Variants in PDE4D observed in about 807,000 individuals in gnomAD.
PDE4D encodes phosphodiesterase 4D.
Under a neutral mutation model 87.4 loss-of-function variants are expected in PDE4D, and 24 were observed. That is an observed-to-expected ratio of 0.27 (90% CI 0.20 to 0.39). The LOEUF is 0.39. Ranked by LOEUF, PDE4D falls within the 10% of genes least tolerant of loss-of-function variation. PDE4D has a pLI of 1.00. For synonymous variants in PDE4D, 384 were observed against 383.2 expected (o/e 1.00, Z -0.02); for missense variants, 714 against 1,041.0 (o/e 0.69, Z 4.32).
chr5:60,487,297 T>C (rs1040786883), intron 1 of PDE4D, among the ~76,000 whole-genome samples: 3 of 152,242 alleles, frequency 2.0e-5, no homozygotes, highest in Non-Finnish European at 2.9e-5. Context: ...ATGTGTTTAA[T>C]GTACTTTTTA....
Position 60,165,646 on chromosome 5 carries a change from A to G in PDE4D, c.42+19911T>C, listed in dbSNP as rs151319271. On this transcript the variant is annotated intron_variant, in intron 2 of 16. Coordinates refer to the PDE4D transcript ENST00000502484. Reference sequence around the variant, plus strand: ...GATTATTTGAATCCATGAACATGAAATATCTTTCTATTTATTTGTGTGTTC... The same window carrying G: ...GATTATTTGAATCCATGAACATGAAGTATCTTTCTATTTATTTGTGTGTTC... Among the ~76,000 whole-genome samples, 21 of 151,136 alleles carry G rather than the reference A, an allele frequency of 1.4e-4. No homozygotes were observed. In the East Asian group the frequency reaches 4.1e-3, roughly 29 times the overall value.
chr5:59,536,826 C>A (rs1403842155), intron 1 of PDE4D, among the ~76,000 whole-genome samples: 1 of 152,012 alleles, frequency 6.6e-6, no homozygotes, highest in Non-Finnish European at 1.5e-5. Context: ...TGTGAATGAC[C>A]TAAATACAAT....
chr5:59,821,943 A>G (rs901466913), intron 1 of PDE4D, among the ~76,000 whole-genome samples: 1 of 152,160 alleles, frequency 6.6e-6, no homozygotes, highest in African/African-American at 2.4e-5. Flanking sequence ...CCCTTGTCTA[A>G]TCTTAATATT....
In PDE4D at chr5:59,200,252, C is replaced by A. The variant is rs147911746; in HGVS notation, c.648-6716G>T. On this transcript the variant is annotated intron_variant, in intron 2 of 14. Transcript: ENST00000340635. ...ATACATATGTGTATGTACAGCTACA[C>A]GTATACATACATATGTGTATGTACA... 3.2e-3 allele frequency among the ~76,000 whole-genome samples: 430 copies of A among 134,262 alleles called. 13 individuals are homozygous for A. Among genetic ancestry groups the A allele is most frequent in the South Asian group, 8.0e-3 (35 of 4,382 alleles). 88.1% of individuals were successfully genotyped at this position (134,262 alleles called of 152,430 possible).
chr5:59,855,038 T>C (rs1346667606), intron 1 of PDE4D, among the ~76,000 whole-genome samples: 1 of 152,032 alleles, frequency 6.6e-6, no homozygotes, highest in Admixed American at 6.6e-5. Context: ...CAAATTTGAG[T>C]GTGTATATGA....
intron 6 of PDE4D, among the ~76,000 whole-genome samples, chr5:59,021,839 G>A (rs922364171): frequency 6.6e-6 from 1 of 152,070 alleles, no homozygotes; most frequent in South Asian, 2.1e-4. Context: ...AATAACCTAT[G>A]ATATATTAGA....
intron 2 of PDE4D, among the ~76,000 whole-genome samples, chr5:59,994,463 C>T (rs903655138): frequency 1.3e-5 from 2 of 152,086 alleles, no homozygotes; most frequent in African/African-American, 4.8e-5. Context: ...ACCACATCTC[C>T]AGACTCCCTT....
At chr5:59,809,846 C>T (rs539764025) in intron 1 of PDE4D, among the ~76,000 whole-genome samples, 2 of 152,308 alleles carry the variant, frequency 1.3e-5, no homozygotes, top group East Asian at 1.9e-4. Context: ...GTGCTCACTC[C>T]AAACTATTAA....
chr5:60,050,953 T>A lies in PDE4D; in HGVS notation c.43-62236A>T, dbSNP rs1200981174. 4.6e-5 allele frequency among the ~76,000 whole-genome samples: 7 copies of A among 152,276 alleles called. No homozygotes were observed. In the East Asian group the frequency reaches 1.4e-3, roughly 29 times the overall value. On this transcript the variant is annotated intron_variant, in intron 2 of 16. Transcript: ENST00000502484. The stretch of plus-strand genomic sequence containing the variant: ...AAAAAAGACAAAGAAGGGCATTACA[T>A]AATGGTAAAGGGATCAATGCAACAA...
Position 60,273,280 on chromosome 5 carries a change from T to C in PDE4D, c.-89-87593A>G, listed in dbSNP as rs554927939. ...AAAAAAAGAATAAGAACTAGGCAAA[T>C]GGGAGAATGGAAAGACACTCCAAGC... On this transcript the variant is annotated intron_variant, in intron 1 of 16. Coordinates refer to the PDE4D transcript ENST00000502484. Among the ~76,000 whole-genome samples, 17 of 151,888 alleles carry C rather than the reference T, an allele frequency of 1.1e-4. No homozygotes were observed. In the South Asian group the frequency reaches 3.5e-3, roughly 32 times the overall value.
chr5:60,377,143 C>T (rs557357738), intron 1 of PDE4D, among the ~76,000 whole-genome samples: 3 of 152,316 alleles, frequency 2.0e-5, no homozygotes, highest in East Asian at 3.9e-4. Flanking sequence ...CTGTGCTTCT[C>T]GCCTATAGCA....
intron 5 of PDE4D, among the ~76,000 whole-genome samples, chr5:59,133,467 T>C (rs1776563880): frequency 6.6e-6 from 1 of 151,342 alleles, no homozygotes; most frequent in South Asian, 2.2e-4. Context: ...AATTAGGAAC[T>C]CAAGCAACAG....
chr5:59,505,671 G>T (rs981649251), intron 1 of PDE4D, among the ~76,000 whole-genome samples: 12 of 152,156 alleles, frequency 7.9e-5, no homozygotes, highest in African/African-American at 2.9e-4. Flanking sequence ...AGATCCAGCA[G>T]TTGTCAGAGA....
At chr5:59,022,597 C>G (rs1295927815) in intron 6 of PDE4D, among the ~76,000 whole-genome samples, 1 of 152,148 alleles carries the variant, frequency 6.6e-6, no homozygotes, top group East Asian at 1.9e-4. Flanking sequence ...ACCTCCAAAT[C>G]CTTTACAGCT....
chr5:59,566,490 C>A (rs983997913), intron 1 of PDE4D, among the ~76,000 whole-genome samples: 1 of 150,786 alleles, frequency 6.6e-6, no homozygotes, highest in Non-Finnish European at 1.5e-5. Flanking sequence ...ATTTTTGAAC[C>A]CTGTGTGTCT....
chr5:59,400,202 A>AT lies in PDE4D; in HGVS notation c.456-184235dup, dbSNP rs1470055184. On this transcript the variant is annotated intron_variant, in intron 1 of 14. Coordinates refer to ENST00000340635, the MANE Select transcript of PDE4D (RefSeq NM_001104631.2). The stretch of plus-strand genomic sequence containing the variant: ...ATTCCTCAGGGATCTAGAACTAGAA[A>AT]TACCATTTGACCCAGCCATCCCATT... 1.4e-4 allele frequency among the ~76,000 whole-genome samples: 13 copies of AT among 90,774 alleles called. 1 individual carries two copies. Among genetic ancestry groups the AT allele is most frequent in the Admixed American group, 1.3e-3 (13 of 9,808 alleles). The allele number at this position is 90,774 out of a possible 152,430, so 59.6% of individuals were successfully genotyped here.
chr5:59,499,095 C>A (rs1807775098), intron 1 of PDE4D, among the ~76,000 whole-genome samples: 1 of 151,546 alleles, frequency 6.6e-6, no homozygotes, highest in Admixed American at 6.6e-5. Flanking sequence ...GGAAAAAAAA[C>A]AGAAATCAAC....
At chr5:59,136,027 TAAA>T (rs35078554) in intron 5 of PDE4D, among the ~76,000 whole-genome samples, 60,768 of 149,292 alleles carry the variant, frequency 0.41, 12,795 homozygotes, top group African/African-American at 0.51. Flanking sequence ...GACTAAATGA[TAAA>T]AAAAAAAAAC....
At chr5:59,519,801 T>C (rs1043149685) in intron 1 of PDE4D, among the ~76,000 whole-genome samples, 3 of 152,040 alleles carry the variant, frequency 2.0e-5, no homozygotes, top group Admixed American at 2.0e-4. Context: ...GTTAGGAGGG[T>C]ATTTCCATTA....
Sources: allele counts gnomAD v4.1 joint callset (sites outside exome capture counted in the v4.1 genomes callset), GRCh38; gene constraint gnomAD v4.1.1; transcripts MANE v1.5; gene names NCBI Gene and HGNC (gene_info 2026-07-23, HGNC 2026-07-21).